The following NRG1 variants were observed in gnomAD, a reference collection of about 807,000 sequenced individuals.
NRG1 encodes pro-neuregulin-1, membrane-bound isoform.
In NRG1, 18 loss-of-function variants were observed where a neutral mutation model predicts 63.8. The ratio of observed to expected loss-of-function variants is 0.28; its 90% confidence interval spans 0.19 to 0.42. The LOEUF is 0.42. Among genes scored for constraint, NRG1 ranks in the 10% least tolerant of loss-of-function variants. The pLI, the probability that NRG1 is intolerant of heterozygous loss-of-function variation, is 1.00. For missense variants in NRG1, 762 were observed against 814.7 expected (o/e 0.94, Z 0.79); for synonymous variants, 302 against 301.3 (o/e 1.00, Z -0.02).
chr8:32,489,719 C>T (rs1826322636), intron 1 of NRG1, among the ~76,000 whole-genome samples: 1 of 152,190 alleles, frequency 6.6e-6, no homozygotes, highest in South Asian at 2.1e-4. Context: ...AAAAGCATTT[C>T]ACTTAACAAT....
intron 1 of NRG1, among the ~76,000 whole-genome samples, chr8:31,765,609 C>T (rs1395273299): frequency 6.6e-6 from 1 of 152,176 alleles, no homozygotes; most frequent in East Asian, 1.9e-4. Context: ...CTCTTCTGCA[C>T]TCTAGCTGCC....
At chr8:32,328,507 T>A (rs949182923) in intron 1 of NRG1, among the ~76,000 whole-genome samples, 2 of 151,950 alleles carry the variant, frequency 1.3e-5, no homozygotes, top group Non-Finnish European at 2.9e-5. Context: ...TTTTCAAATA[T>A]CCATGTGGCA....
At chr8:32,717,597 C>T (rs1031454287) in intron 5 of NRG1, among the ~76,000 whole-genome samples, 3 of 152,098 alleles carry the variant, frequency 2.0e-5, no homozygotes, top group Non-Finnish European at 4.4e-5. Context: ...CGTTGCTTTC[C>T]GTGCAGCAAT....
intron 1 of NRG1, among the ~76,000 whole-genome samples, chr8:32,464,265 T>G (rs377348356): frequency 2.0e-5 from 3 of 148,168 alleles, no homozygotes; most frequent in African/African-American, 7.5e-5. Flanking sequence ...ATTCCCTAAT[T>G]TAAACTTATC....
intron 1 of NRG1, among the ~76,000 whole-genome samples, chr8:32,165,704 G>A (rs1839326374): frequency 6.6e-6 from 1 of 152,106 alleles, no homozygotes; most frequent in South Asian, 2.1e-4. Flanking sequence ...TGGCTGCAGT[G>A]TAAGCTGTGT....
intron 1 of NRG1, among the ~76,000 whole-genome samples, chr8:32,536,996 A>G (rs1832053689): frequency 6.8e-6 from 1 of 146,278 alleles, no homozygotes; most frequent in Non-Finnish European, 1.5e-5. Context: ...TAATCCCACC[A>G]TTTTGGGAGA....
intron 1 of NRG1, among the ~76,000 whole-genome samples, chr8:32,083,606 T>G (rs1308333399): frequency 6.6e-6 from 1 of 152,170 alleles, no homozygotes; most frequent in Non-Finnish European, 1.5e-5. Flanking sequence ...ACCACCCTTA[T>G]GCTTACTAAT....
At chr8:31,896,206 A>G (rs906834572) in intron 1 of NRG1, among the ~76,000 whole-genome samples, 3 of 152,204 alleles carry the variant, frequency 2.0e-5, no homozygotes, top group Admixed American at 6.5e-5. Context: ...CATTCTAAAC[A>G]CATTGTTAAT....
chr8:31,761,219 T>G (rs1434686225), intron 1 of NRG1, among the ~76,000 whole-genome samples: 1 of 151,870 alleles, frequency 6.6e-6, no homozygotes, highest in Non-Finnish European at 1.5e-5. Context: ...ACCAAACACC[T>G]CTTGTTCTCA....
At chr8:32,344,372 T>TTCTTTTTTCTTTCTTTCTTTCTTCC (rs1554513683) in intron 1 of NRG1, among the ~76,000 whole-genome samples, 3 of 58,746 alleles carry the variant, frequency 5.1e-5, no homozygotes, top group Admixed American at 1.6e-4. Context: ...CTTTCTTTCT[T>TTCTTTTTTCTTTCTTTCTTTCTTCC]TCTTTCTTTC....
chr8:32,672,514 A>G (rs1387364538), intron 5 of NRG1, among the ~76,000 whole-genome samples: 3 of 152,196 alleles, frequency 2.0e-5, no homozygotes, highest in African/African-American at 7.2e-5. Flanking sequence ...TTATGTTACT[A>G]TTTATAACAG....
intron 1 of NRG1, among the ~76,000 whole-genome samples, chr8:32,263,526 G>C (rs1327327606): frequency 6.6e-6 from 1 of 152,122 alleles, no homozygotes; most frequent in Non-Finnish European, 1.5e-5. Flanking sequence ...TTTTCCTTCT[G>C]TCTTGCTACG....
At chr8:32,359,314 G>A (rs1806911079) in intron 1 of NRG1, among the ~76,000 whole-genome samples, 2 of 152,128 alleles carry the variant, frequency 1.3e-5, no homozygotes. Flanking sequence ...CACATATGCA[G>A]ATTGATCTTA....
chr8:32,265,918 C>CAA (rs1445765063), intron 1 of NRG1, among the ~76,000 whole-genome samples: 1 of 152,050 alleles, frequency 6.6e-6, no homozygotes, highest in Non-Finnish European at 1.5e-5. Flanking sequence ...TTAGGTATTA[C>CAA]AAGTAATCTA....
intron 1 of NRG1, among the ~76,000 whole-genome samples, chr8:31,766,086 G>A (rs115419183): frequency 4.1e-4 from 63 of 151,976 alleles, no homozygotes; most frequent in African/African-American, 1.5e-3. Context: ...AACATACGAA[G>A]CCTACACTCC....
chr8:32,596,470 G>A (rs1184170622), intron 2 of NRG1, among the ~76,000 whole-genome samples: 2 of 151,844 alleles, frequency 1.3e-5, no homozygotes, highest in Non-Finnish European at 2.9e-5. Flanking sequence ...TGGGAGTGGT[G>A]GGCGCCTGTA....
At chr8:32,093,118 T>C (rs1194417011) in intron 1 of NRG1, among the ~76,000 whole-genome samples, 1 of 152,212 alleles carries the variant, frequency 6.6e-6, no homozygotes, top group Non-Finnish European at 1.5e-5. Context: ...AGAGACTCCA[T>C]TTTGTTTTGT....
chr8:32,247,733 CT>C (rs1563228371), intron 1 of NRG1, among the ~76,000 whole-genome samples: 25 of 151,962 alleles, frequency 1.6e-4, no homozygotes. Context: ...AGAATCTTAG[CT>C]TTTTCAAAAG....
chr8:32,175,343 G>A (rs1191926853), intron 1 of NRG1, among the ~76,000 whole-genome samples: 1 of 152,090 alleles, frequency 6.6e-6, no homozygotes, highest in Non-Finnish European at 1.5e-5. Context: ...AAAATAATAA[G>A]AACTATCTAT....
Sources: allele counts gnomAD v4.1 joint callset (sites outside exome capture counted in the v4.1 genomes callset), GRCh38; gene constraint gnomAD v4.1.1; transcripts MANE v1.5; gene names NCBI Gene and HGNC (gene_info 2026-07-23, HGNC 2026-07-21).